Variants in KCNQ5 observed in about 807,000 individuals in gnomAD.
The protein encoded by KCNQ5 is potassium voltage-gated channel subfamily Q member 5.
In KCNQ5, 30 loss-of-function variants were observed where a neutral mutation model predicts 98.2. That is an observed-to-expected ratio of 0.31 (90% confidence interval 0.23 to 0.41). KCNQ5 has a LOEUF of 0.41. Ranked by LOEUF, KCNQ5 falls within the 10% of genes least tolerant of loss-of-function variation. The pLI is 1.00. For missense variants in KCNQ5, 835 were observed against 1,182.5 expected (o/e 0.71, Z 4.31); for synonymous variants, 458 against 449.4 (o/e 1.02, Z -0.24).
intron 1 of KCNQ5, among the ~76,000 whole-genome samples, chr6:72,675,615 C>T (rs1336506817): frequency 6.6e-6 from 1 of 152,146 alleles, no homozygotes; most frequent in Admixed American, 6.5e-5. Flanking sequence ...GCGATAACTG[C>T]CAGTGAGATA....
chr6:72,654,480 G>A (rs1245930409), intron 1 of KCNQ5, among the ~76,000 whole-genome samples: 2 of 151,930 alleles, frequency 1.3e-5, no homozygotes, highest in African/African-American at 2.4e-5. Flanking sequence ...TTTGTGAGTC[G>A]GTTTTCTGAG....
At chr6:72,873,640 T>C (rs1223779957) in intron 1 of KCNQ5, among the ~76,000 whole-genome samples, 1 of 152,118 alleles carries the variant, frequency 6.6e-6, no homozygotes, top group Non-Finnish European at 1.5e-5. Context: ...AACTGTACTT[T>C]CTCCTTAATC....
At chr6:72,729,301 G>T (rs1224359218) in intron 1 of KCNQ5, among the ~76,000 whole-genome samples, 2 of 152,240 alleles carry the variant, frequency 1.3e-5, no homozygotes, top group East Asian at 1.9e-4. Context: ...GGTTTAGGAG[G>T]TTTTGTTTTG....
chr6:73,112,644 CA>C (rs1582381267), intron 7 of KCNQ5, among the ~76,000 whole-genome samples: 1 of 152,146 alleles, frequency 6.6e-6, no homozygotes, highest in East Asian at 1.9e-4. Context: ...GGCTCCCGGC[CA>C]CAAGCACACT....
chr6:73,133,536 G>A lies in KCNQ5; in HGVS notation c.1363G>A (p.Glu455Lys), dbSNP rs763590853. 2.5e-6 allele frequency: 4 copies of A among 1,614,160 alleles called. No individual in the cohort carries two copies. Among genetic ancestry groups the A allele is most frequent in the Non-Finnish European group, 3.4e-6 (4 of 1,180,014 alleles). Residue 455 changes from glutamate to lysine, a missense_variant, in exon 10 of 14, where the codon GAG (glutamate) becomes AAG (lysine). Around this residue, in one of 10 missense-constraint regions of KCNQ5, gnomAD observed 146 missense variants for 256.7 expected, o/e 0.57. Transcript: ENST00000370398. ...RRSPSTDITA[E>K]GSPTKVQKSW... ...GTCCCCAAGCACCGACATCACAGCC[G>A]AGGGCAGTCCCACCAAAGTGCAGAA...
At chr6:73,034,907 A>G (rs558513222) in intron 2 of KCNQ5, among the ~76,000 whole-genome samples, 51 of 139,490 alleles carry the variant, frequency 3.7e-4, no homozygotes, top group South Asian at 1.1e-3. Flanking sequence ...GTGCAGTGGC[A>G]TGATCTCGGC....
chr6:72,709,109 T>G (rs1421720284), intron 1 of KCNQ5, among the ~76,000 whole-genome samples: 1 of 152,192 alleles, frequency 6.6e-6, no homozygotes, highest in African/African-American at 2.4e-5. Flanking sequence ...CCCACAAAGG[T>G]GCTGGGATTA....
intron 1 of KCNQ5, among the ~76,000 whole-genome samples, chr6:72,790,120 T>C (rs560897306): frequency 8.5e-5 from 13 of 152,268 alleles, no homozygotes; most frequent in Non-Finnish European, 1.3e-4. Context: ...ATTAACAATT[T>C]CTTAAAGCAA....
At chr6:72,738,442 TCAA>T (rs1290341342) in intron 1 of KCNQ5, among the ~76,000 whole-genome samples, 1 of 152,122 alleles carries the variant, frequency 6.6e-6, no homozygotes, top group Non-Finnish European at 1.5e-5. Context: ...CTTTAGGTTC[TCAA>T]CTTTGTCCAT....
At chr6:73,142,424 A>C (rs1776759708) in intron 10 of KCNQ5, among the ~76,000 whole-genome samples, 1 of 151,364 alleles carries the variant, frequency 6.6e-6, no homozygotes, top group Non-Finnish European at 1.5e-5. Flanking sequence ...TCCGTTACCT[A>C]CCTGCCTTTA....
At position 73,194,772 on chromosome 6, in the gene KCNQ5, T is replaced by A. The variant is rs1765721232; in HGVS notation, c.2157T>A (p.Ser719Arg). 6.2e-7 allele frequency: 1 copy of A among 1,614,058 alleles called. No individual in the cohort carries two copies. The highest frequency in any genetic ancestry group is 8.5e-7 in the Non-Finnish European group (1 of 1,180,052). Residue 719 changes from serine to arginine, a missense_variant, in exon 14 of 14, where the codon AGT becomes AGA. By Grantham distance (110) the Ser-to-Arg change is moderately radical. Coordinates refer to ENST00000370398, the MANE Select transcript of KCNQ5 (RefSeq NM_019842.4). Reference sequence around the variant, plus strand: ...GTCAAGCAACACAGGTGCCAATTAGTCAAAGCGATGGCTCAGCAGTGGCAG... The same window carrying A: ...GTCAAGCAACACAGGTGCCAATTAGACAAAGCGATGGCTCAGCAGTGGCAG... ...MHSQATQVPI[S>R]QSDGSAVAAT...
chr6:73,089,775 G>GCA (rs1554207249), intron 5 of KCNQ5, among the ~76,000 whole-genome samples: 4 of 150,830 alleles, frequency 2.7e-5, no homozygotes, highest in Middle Eastern at 3.4e-3. Context: ...ATTCCATCAT[G>GCA]TATATATATA....
chr6:72,806,482 A>C (rs1205864568), intron 1 of KCNQ5, among the ~76,000 whole-genome samples: 2 of 152,170 alleles, frequency 1.3e-5, no homozygotes, highest in Non-Finnish European at 1.5e-5. Context: ...AAGATAACAT[A>C]AAGTGCTTAG....
chr6:73,103,940 C>T (rs542784478), intron 5 of KCNQ5, among the ~76,000 whole-genome samples: 42 of 152,048 alleles, frequency 2.8e-4, no homozygotes, highest in African/African-American at 9.4e-4. Context: ...CATTACATAT[C>T]GCATGCCAGT....
intron 3 of KCNQ5, among the ~76,000 whole-genome samples, chr6:73,073,223 T>C (rs1248928466): frequency 5.9e-5 from 9 of 152,176 alleles, no homozygotes; most frequent in South Asian, 4.1e-4. Context: ...CAACCACTTA[T>C]GCATGTTAGT....
intron 1 of KCNQ5, among the ~76,000 whole-genome samples, chr6:72,966,341 C>T (rs565104797): frequency 6.6e-6 from 1 of 151,844 alleles, no homozygotes; most frequent in South Asian, 2.1e-4. Flanking sequence ...GGCGGATCAC[C>T]TGAAGTTAGG....
chr6:73,110,531 C>G (rs1289281646), intron 6 of KCNQ5, among the ~76,000 whole-genome samples: 1 of 152,042 alleles, frequency 6.6e-6, no homozygotes, highest in East Asian at 1.9e-4. Context: ...TTACTAATCC[C>G]AAAAACTGAA....
At chr6:72,681,006 C>CT (rs1767677158) in intron 1 of KCNQ5, among the ~76,000 whole-genome samples, 1 of 152,200 alleles carries the variant, frequency 6.6e-6, no homozygotes, top group Admixed American at 6.5e-5. Context: ...GGAAACACTG[C>CT]TTACTAATTG....
chr6:72,646,009 G>A (rs538489912), intron 1 of KCNQ5, among the ~76,000 whole-genome samples: 1 of 152,110 alleles, frequency 6.6e-6, no homozygotes, highest in African/African-American at 2.4e-5. Context: ...GCAAGCTGAA[G>A]CCAAGCTGAC....
Sources: gnomAD v4.1 joint callset for allele counts (sites outside exome capture counted in the v4.1 genomes callset) on GRCh38, gnomAD v4.1.1 for gene constraint, gnomAD v4.1.1 regional missense constraint, MANE v1.5 for transcripts, NCBI Gene and HGNC (gene_info 2026-07-23, HGNC 2026-07-21) for gene names.